Variants in DLGAP1 observed in about 807,000 individuals in gnomAD.
DLGAP1 encodes the protein disks large-associated protein 1.
Under a neutral mutation model 90.8 loss-of-function variants are expected in DLGAP1, and 11 were observed. That is an observed-to-expected ratio of 0.12 (90% CI 0.08 to 0.20). The LOEUF (loss-of-function observed/expected upper bound fraction) is 0.20. DLGAP1 is among the 10% of genes least tolerant of loss of function. The pLI, the probability that DLGAP1 is intolerant of heterozygous loss-of-function variation, is 1.00. For missense variants in DLGAP1, 1,050 were observed against 1,333.8 expected, an observed-to-expected ratio of 0.79 and a Z score of 3.31; for synonymous variants, 558 against 540.7, an observed-to-expected ratio of 1.03 and a Z score of -0.44.
At chr18:3,796,037 G>T (rs922227061) in intron 5 of DLGAP1, among the ~76,000 whole-genome samples, 2 of 152,076 alleles carry the variant, frequency 1.3e-5, no homozygotes, top group South Asian at 4.1e-4. Flanking sequence ...GACCAACATC[G>T]CCCACTGAGT....
intron 1 of DLGAP1, among the ~76,000 whole-genome samples, chr18:4,226,800 G>A (rs961512603): frequency 6.6e-6 from 1 of 150,576 alleles, no homozygotes; most frequent in Non-Finnish European, 1.5e-5. Flanking sequence ...AGAAGGAAAA[G>A]AAGACCACAA....
chr18:4,122,693 G>A (rs560154827), intron 2 of DLGAP1, among the ~76,000 whole-genome samples: 3 of 152,304 alleles, frequency 2.0e-5, no homozygotes, highest in Admixed American at 2.0e-4. Context: ...CTGGAGGTAA[G>A]TATTTGTATT....
chr18:4,296,397 A>T (rs186249714), intron 1 of DLGAP1, among the ~76,000 whole-genome samples: 1 of 152,338 alleles, frequency 6.6e-6, no homozygotes, highest in East Asian at 1.9e-4. Flanking sequence ...CAGCAGGTTA[A>T]AGGAGGGCCA....
At chr18:3,708,727 A>G (rs1166873890) in intron 7 of DLGAP1, among the ~76,000 whole-genome samples, 4 of 152,250 alleles carry the variant, frequency 2.6e-5, no homozygotes, top group African/African-American at 2.4e-5. Flanking sequence ...GGAAAAGGAT[A>G]CAAAAGGACC....
At chr18:4,128,736 G>C (rs367900926) in intron 2 of DLGAP1, among the ~76,000 whole-genome samples, 1 of 152,098 alleles carries the variant, frequency 6.6e-6, no homozygotes, top group Non-Finnish European at 1.5e-5. Context: ...TCCAAGGCTG[G>C]ACCACATTTA....
At chr18:3,836,682 G>C (rs2068405334) in intron 4 of DLGAP1, among the ~76,000 whole-genome samples, 1 of 152,142 alleles carries the variant, frequency 6.6e-6, no homozygotes. Flanking sequence ...AGGGTGGTGA[G>C]GTGAAGAGGG....
chr18:4,227,794 C>A, intron 1 of DLGAP1, among the ~76,000 whole-genome samples: 1 of 149,748 alleles, frequency 6.7e-6, no homozygotes, highest in Admixed American at 6.7e-5. Context: ...CTTAAAGAAT[C>A]AGACAAGCAA....
rs544607823 is a variant in DLGAP1, at chr18:4,097,479, G to A, written c.-159+53701C>T. Among the ~76,000 whole-genome samples, 4 of 152,322 alleles carry A rather than the reference G, an allele frequency of 2.6e-5. No individual in the cohort carries two copies. The South Asian group carries it at 8.3e-4, about 32-fold the overall frequency. On this transcript the variant is annotated intron_variant, in intron 2 of 12. Transcript: ENST00000315677. ...GTGGTACTGAGAACTATAGCTTCCT[G>A]CAATGTGGATGTAGTCATCCTCCAT...
chr18:4,010,404 CG>C (rs776058496), intron 2 of DLGAP1, among the ~76,000 whole-genome samples: 4 of 151,934 alleles, frequency 2.6e-5, no homozygotes, highest in Non-Finnish European at 5.9e-5. Flanking sequence ...AAAAACTAGC[CG>C]GGTGTGGTGG....
Position 4,398,901 on chromosome 18 carries a change from G to A in DLGAP1, c.-267+56105C>T, listed in dbSNP as rs554524570. ...GGCTGGAGTGCCGTGGCGTGATCTC[G>A]GCTAACTGCAACCTCCGCCTCCGGG... On this transcript the variant is annotated intron_variant, in intron 1 of 12. Transcript: ENST00000315677. 6.5e-4 allele frequency among the ~76,000 whole-genome samples: 99 copies of A among 152,200 alleles called. 1 individual carries two copies. Among genetic ancestry groups the A allele is most frequent in the South Asian group, 3.1e-3 (15 of 4,822 alleles).
chr18:4,300,482 A>G (rs2080097251), intron 1 of DLGAP1, among the ~76,000 whole-genome samples: 1 of 152,176 alleles, frequency 6.6e-6, no homozygotes, highest in African/African-American at 2.4e-5. Flanking sequence ...AAACACAATT[A>G]CACGCCTCTT....
intron 9 of DLGAP1, among the ~76,000 whole-genome samples, chr18:3,567,257 T>TACACTGTACTACACTGCACATA: frequency 1.3e-5 from 2 of 152,296 alleles, no homozygotes; most frequent in South Asian, 4.1e-4. Flanking sequence ...GCACACAGTA[T>TACACTGTACTACACTGCACATA]TTATATGTAT....
In DLGAP1 at chr18:3,897,818, C is replaced by T. The variant is rs528625639; in HGVS notation, c.-72-17678G>A. Among the ~76,000 whole-genome samples, 22 of 126,632 alleles carry T rather than the reference C, an allele frequency of 1.7e-4. No individual in the cohort carries two copies. In the Middle Eastern group the frequency reaches 0.019, roughly 108 times the overall value. The allele number at this position is 126,632 out of a possible 152,430, so 83.1% of individuals were successfully genotyped here. A position where few individuals can be genotyped will look rare whatever the true frequency, so the allele number is the denominator to read the frequency against. On this transcript the variant is annotated intron_variant, in intron 3 of 12. Coordinates refer to ENST00000315677, the MANE Select transcript of DLGAP1 (RefSeq NM_004746.4). ...TTTTTTTTTTTTTGAGACGGAGTCTCGCTCTGTCGCCCAGGCCGGACTGCG... is the reference window on the plus strand; with the variant it reads ...TTTTTTTTTTTTTGAGACGGAGTCTTGCTCTGTCGCCCAGGCCGGACTGCG...
At chr18:4,123,685 C>T (rs1034455894) in intron 2 of DLGAP1, among the ~76,000 whole-genome samples, 9 of 152,248 alleles carry the variant, frequency 5.9e-5, no homozygotes, top group Admixed American at 4.6e-4. Context: ...AATGGAACGG[C>T]GCCAGCAATT....
At chr18:3,895,437 T>C (rs2071597705) in intron 3 of DLGAP1, among the ~76,000 whole-genome samples, 1 of 152,146 alleles carries the variant, frequency 6.6e-6, no homozygotes, top group South Asian at 2.1e-4. Context: ...AATATGTCAA[T>C]ATGCTTTTTC....
chr18:3,801,592 A>G lies in DLGAP1; in HGVS notation c.1172+12467T>C, dbSNP rs149288732. Among the ~76,000 whole-genome samples the G allele has an allele frequency of 6.1e-3, 922 of 152,304 alleles. 12 individuals are homozygous for G. The highest frequency in any genetic ancestry group is 0.02 in the African/African-American group (831 of 41,558). On this transcript the variant is annotated intron_variant, in intron 5 of 12. Transcript: ENST00000315677. ...CCCCAGTTTCCTCCTTGTATAACCT[A>G]GTTAATAATGATTCTTGTCTTATAG...
chr18:4,329,900 T>C (rs1230722529), intron 1 of DLGAP1, among the ~76,000 whole-genome samples: 2 of 152,032 alleles, frequency 1.3e-5, no homozygotes, highest in Non-Finnish European at 2.9e-5. Flanking sequence ...AAACGAGGTT[T>C]GGAGAATTAC....
At chr18:3,654,829 T>C (rs1023346276) in intron 7 of DLGAP1, 84 of 152,350 alleles carry the variant, frequency 5.5e-4, no homozygotes, top group African/African-American at 1.9e-3. Flanking sequence ...AGAAGGTCTT[T>C]TTCTCTCCAC....
intron 5 of DLGAP1, among the ~76,000 whole-genome samples, chr18:3,769,360 T>C (rs1206307544): frequency 6.6e-6 from 1 of 152,192 alleles, no homozygotes; most frequent in African/African-American, 2.4e-5. Context: ...AACCTGAATA[T>C]GCAACTACTA....
Sources: allele counts gnomAD v4.1 joint callset (sites outside exome capture counted in the v4.1 genomes callset), GRCh38; gene constraint gnomAD v4.1.1; transcripts MANE v1.5; gene names NCBI Gene and HGNC (gene_info 2026-07-23, HGNC 2026-07-21).